The following INPP5B variants were observed in gnomAD, a reference collection of about 807,000 sequenced individuals.
INPP5B encodes the protein type II inositol 1,4,5-trisphosphate 5-phosphatase.
Under a neutral mutation model 118.5 loss-of-function variants are expected in INPP5B, and 90 were observed. That is an observed-to-expected ratio of 0.76 (90% CI 0.64 to 0.90). The LOEUF (loss-of-function observed/expected upper bound fraction) is 0.90, where lower values mean the gene tolerates loss of function less well. Among genes scored for constraint, INPP5B ranks in the 40% least tolerant of loss-of-function variants. INPP5B has a pLI of 0.00. For missense variants in INPP5B, 984 were observed against 1,125.6 expected, an observed-to-expected ratio of 0.87 and a Z score of 1.80; for synonymous variants, 385 against 418.9, an observed-to-expected ratio of 0.92 and a Z score of 0.99.
At chr1:37,902,012 AGT>A (rs1644350893) in intron 7 of INPP5B, among the ~76,000 whole-genome samples, 1 of 150,192 alleles carries the variant, frequency 6.7e-6, no homozygotes, top group Non-Finnish European at 1.5e-5. Flanking sequence ...TTTGAGGCAG[AGT>A]CTTACTCTGT....
intron 14 of INPP5B, 52 bp downstream of exon 14, chr1:37,882,755 C>T (rs1256123202): frequency 3.5e-6 from 5 of 1,414,898 alleles, no homozygotes; most frequent in African/African-American, 1.4e-5. Context: ...CTTTTCTGTG[C>T]CCTCATGGTG....
chr1:37,941,270 A>G (rs1018777218), intron 5 of INPP5B, among the ~76,000 whole-genome samples: 2 of 152,128 alleles, frequency 1.3e-5, no homozygotes, highest in Admixed American at 1.3e-4. Flanking sequence ...TTCATAGCAT[A>G]TACCCAATAC....
chr1:37,936,945 C>G (rs1016224952), intron 6 of INPP5B, among the ~76,000 whole-genome samples: 1 of 152,082 alleles, frequency 6.6e-6, no homozygotes, highest in Non-Finnish European at 1.5e-5. Flanking sequence ...CTCTTATCCT[C>G]TCTGAGCCTC....
intron 6 of INPP5B, among the ~76,000 whole-genome samples, chr1:37,935,149 C>T (rs1400519715): frequency 9.3e-5 from 13 of 139,664 alleles, no homozygotes; most frequent in Non-Finnish European, 1.9e-4. Context: ...TGCAGTGAGC[C>T]GAGATCGTGC....
At chr1:37,920,960 G>A (rs907028088) in intron 7 of INPP5B, among the ~76,000 whole-genome samples, 5 of 152,018 alleles carry the variant, frequency 3.3e-5, no homozygotes, top group Admixed American at 3.3e-4. Context: ...CAAAAAATCA[G>A]GCGGGCGTGG....
chr1:37,883,813 G>A (rs529157822), intron 13 of INPP5B: 1 of 985,398 alleles, frequency 1.0e-6, no homozygotes, highest in Admixed American at 6.1e-5. Context: ...CAGGACAAGA[G>A]GCGTTAACTC....
rs746241504 is a variant in INPP5B, at chr1:37,868,601, A to G, written c.2201T>C (p.Val734Ala). The G allele has an allele frequency of 6.2e-7, 1 of 1,610,472 alleles. No homozygotes were observed. The highest frequency in any genetic ancestry group is 8.5e-7 in the Non-Finnish European group (1 of 1,176,838). Residue 734 changes from valine (V) to alanine (A), a missense_variant, in exon 20 of 24, where the codon GTA (valine) becomes GCA (alanine). Coordinates refer to ENST00000373024, the MANE Select transcript of INPP5B (RefSeq NM_005540.3). ...ETISELTLMPVWTGDDGSQLD... is the reference protein window; with the variant it reads ...ETISELTLMPAWTGDDGSQLD... ...CTGGCTCCCATCATCTCCAGTCCAT[A>G]CTGGCATCAGAGTCTGGAAAGCAAT...
chr1:37,892,812 T>C (rs2148527131), intron 7 of INPP5B, among the ~76,000 whole-genome samples: 1 of 152,200 alleles, frequency 6.6e-6, no homozygotes, highest in Admixed American at 6.5e-5. Context: ...CCTTTAGGTG[T>C]GAGGTGTTTA....
chr1:37,904,901 G>T (rs924068633), intron 7 of INPP5B, among the ~76,000 whole-genome samples: 2 of 151,918 alleles, frequency 1.3e-5, no homozygotes, highest in African/African-American at 4.8e-5. Context: ...ATTTTAAAGG[G>T]TTATAAAAGG....
intron 7 of INPP5B, among the ~76,000 whole-genome samples, chr1:37,924,776 C>T (rs1279789235): frequency 6.6e-6 from 1 of 152,110 alleles, no homozygotes; most frequent in Non-Finnish European, 1.5e-5. Flanking sequence ...GTGGCTCACA[C>T]CTGTAATGCC....
chr1:37,919,070 A>G (rs1258933507), intron 7 of INPP5B, among the ~76,000 whole-genome samples: 1 of 152,230 alleles, frequency 6.6e-6, no homozygotes, highest in Non-Finnish European at 1.5e-5. Flanking sequence ...GCTTGACTCC[A>G]AAGTCCCACA....
chr1:37,900,240 C>T (rs1295874756), intron 7 of INPP5B, among the ~76,000 whole-genome samples: 1 of 151,540 alleles, frequency 6.6e-6, no homozygotes, highest in Non-Finnish European at 1.5e-5. Context: ...TGCCACCACA[C>T]CCAGCTAATT....
chr1:37,884,274 G>GTA (rs1553154061), intron 13 of INPP5B: 2 of 152,112 alleles, frequency 1.3e-5, no homozygotes, highest in Non-Finnish European at 2.9e-5. Context: ...GTCAACTGCT[G>GTA]TTTTGTCATA....
chr1:37,931,754 C>A (rs775093926), intron 7 of INPP5B, 159 bp downstream of exon 7: 16 of 1,601,166 alleles, frequency 1.0e-5, no homozygotes, highest in Non-Finnish European at 1.3e-5. Context: ...CGCCGCCCGT[C>A]CCGCGCGCTC....
chr1:37,941,975 A>ATATATATATATATATATATATATATAT (rs1365512516), intron 5 of INPP5B: 1 of 91,776 alleles, frequency 1.1e-5, no homozygotes, highest in African/African-American at 4.0e-5. Flanking sequence ...ATATATATAT[A>ATATATATATATATATATATATATATAT]AAATAAAATA....
intron 18 of INPP5B, 93 bp from the exon 19 acceptor site, chr1:37,873,258 T>C (rs1443441450): frequency 2.3e-6 from 2 of 878,394 alleles, no homozygotes; most frequent in South Asian, 2.9e-5. Context: ...GCATAAAGGG[T>C]TAGGAAAAGG....
chr1:37,886,832 C>A, intron 12 of INPP5B, 56 bp downstream of exon 12: 2 of 1,277,224 alleles, frequency 1.6e-6, no homozygotes, highest in South Asian at 2.4e-5. Flanking sequence ...CAGAAGTGGT[C>A]AATACCTCAG....
At position 37,889,492 on chromosome 1, in the gene INPP5B, G is replaced by A. The variant is rs1338638897; in HGVS notation, c.797+65C>T. The A allele has an allele frequency of 2.3e-6, 3 of 1,293,478 alleles. No homozygotes were observed. The African/African-American group carries it at 4.4e-5, about 19-fold the overall frequency. The allele number at this position is 1,293,478 out of a possible 1,614,324, so 80.1% of individuals were successfully genotyped here. On this transcript the variant is annotated intron_variant, in intron 9 of 23. Transcript: ENST00000373024. ...TCCAAATCCAGGTATAGGAGGAAGT[G>A]CTCAAATTCCAGAGTGCCAAATGAT... is the stretch of plus-strand genomic sequence containing the variant.
chr1:37,916,410 CA>C (rs59798344), intron 7 of INPP5B, among the ~76,000 whole-genome samples: 131,004 of 147,298 alleles, frequency 0.89, 59,523 homozygotes, highest in Non-Finnish European at 0.98. Context: ...CTTTTTCTTT[CA>C]TTTTTTTTTT....
Sources: allele counts gnomAD v4.1 joint callset (sites outside exome capture counted in the v4.1 genomes callset), GRCh38; gene constraint gnomAD v4.1.1; transcripts MANE v1.5; gene names NCBI Gene and HGNC (gene_info 2026-07-23, HGNC 2026-07-21).